Variants in RRN3 observed in about 807,000 individuals in gnomAD.
The protein encoded by RRN3 is RNA polymerase I-specific transcription initiation factor RRN3.
Under a neutral mutation model 82.3 loss-of-function variants are expected in RRN3, and 38 were observed. The ratio of observed to expected loss-of-function variants is 0.46; its 90% CI spans 0.36 to 0.61. RRN3 has a LOEUF of 0.61. Ranked by LOEUF, RRN3 falls within the 20% of genes least tolerant of loss-of-function variation. RRN3 has a pLI of 0.00. For missense variants in RRN3, 726 were observed against 793.1 expected (o/e 0.92, Z 1.02); for synonymous variants, 284 against 284.3 (o/e 1.00, Z 0.01).
chr16:15,080,375 T>G (rs866518714), intron 8 of RRN3, among the ~76,000 whole-genome samples: 1 of 152,338 alleles, frequency 6.6e-6, no homozygotes, highest in African/African-American at 2.4e-5. Flanking sequence ...CAACTTAAAG[T>G]ATACAATTTA....
At position 15,068,101 on chromosome 16, in the gene RRN3, A is replaced by G; in HGVS notation, c.1553+68T>C. 3.3e-6 allele frequency: 5 copies of G among 1,502,124 alleles called. No homozygotes were observed. In the South Asian group the frequency reaches 6.1e-5, roughly 18 times the overall value. 93.0% of individuals were successfully genotyped at this position (1,502,124 alleles called of 1,614,324 possible). A position where few individuals can be genotyped will look rare whatever the true frequency, so the allele number is the denominator to read the frequency against. On this transcript the variant is annotated intron_variant, in intron 15 of 17. Coordinates refer to ENST00000198767, the MANE Select transcript of RRN3 (RefSeq NM_018427.5). ...AATTTCATAGAAATTTAACACTCTT[A>G]CAATACTAGATAAACATAAATAAAA...
intron 12 of RRN3, among the ~76,000 whole-genome samples, chr16:15,072,141 A>G (rs967557319): frequency 1.3e-5 from 2 of 152,142 alleles, no homozygotes; most frequent in Non-Finnish European, 2.9e-5. Flanking sequence ...CCATGTGGGC[A>G]GACTGAATTC....
chr16:15,089,850 T>C (rs150378517), intron 3 of RRN3, among the ~76,000 whole-genome samples: 3 of 142,732 alleles, frequency 2.1e-5, no homozygotes, highest in African/African-American at 7.9e-5. Flanking sequence ...TCAGAAACGC[T>C]GAAGTTTTAA....
rs750764061 is a variant in RRN3, at chr16:15,092,556, C to T, written c.148G>A (p.Val50Ile). 2 of 1,613,690 alleles carry T rather than the reference C, an allele frequency of 1.2e-6. No individual in the cohort carries two copies. The highest frequency in any genetic ancestry group is 2.2e-5 in the East Asian group (1 of 44,872). Residue 50 changes from valine to isoleucine, a missense_variant, in exon 2 of 18, where the codon GTT becomes ATT. Val to Ile is a conservative substitution (Grantham distance 29). Transcript: ENST00000198767. Reference protein sequence around the residue: ...DFFNSPPRKTVRFGGTVTEVL... With the variant: ...DFFNSPPRKTIRFGGTVTEVL... ...TCTGTCACAGTTCCACCAAACCGAA[C>T]AGTTTTTCTTGGGGGAGAATTGAAA...
chr16:15,062,055 T>C (rs1357859980), intron 17 of RRN3, 150 bp from the exon 18 acceptor site: 9 of 746,854 alleles, frequency 1.2e-5, no homozygotes, highest in Non-Finnish European at 1.5e-5. Context: ...GGCACACGCC[T>C]GTAGTCCCAG....
intron 2 of RRN3, among the ~76,000 whole-genome samples, chr16:15,091,650 G>C (rs569492157): frequency 6.6e-5 from 10 of 152,192 alleles, no homozygotes; most frequent in Non-Finnish European, 1.5e-4. Context: ...TTCTCAAAAA[G>C]CATGAGGGAA....
chr16:15,065,107 G>A (rs1319598590), intron 16 of RRN3, 112 bp downstream of exon 16: 45 of 1,086,104 alleles, frequency 4.1e-5, no homozygotes, highest in Middle Eastern at 2.2e-4. Flanking sequence ...CGGAGCTTGC[G>A]GTAAGCCGAG....
chr16:15,092,227 T>C (rs1226194650), intron 2 of RRN3, among the ~76,000 whole-genome samples: 1 of 152,168 alleles, frequency 6.6e-6, no homozygotes, highest in Non-Finnish European at 1.5e-5. Context: ...TTCTGGCACT[T>C]GCTAAAGTTA....
chr16:15,076,385 T>C, intron 10 of RRN3, 173 bp downstream of exon 10: 1 of 628,622 alleles, frequency 1.6e-6, no homozygotes, highest in Non-Finnish European at 2.9e-6. Context: ...ATAGACCAAC[T>C]ATGCTAAGTG....
intron 7 of RRN3, 56 bp downstream of exon 7, chr16:15,084,586 A>G (rs1597978218): frequency 1.6e-6 from 2 of 1,242,864 alleles, no homozygotes; most frequent in Non-Finnish European, 2.3e-6. Flanking sequence ...ATTTTTACTA[A>G]TTGATTACAA....
At chr16:15,081,659 G>A (rs965749997) in intron 8 of RRN3, among the ~76,000 whole-genome samples, 13 of 151,714 alleles carry the variant, frequency 8.6e-5, no homozygotes, top group African/African-American at 3.2e-4. Flanking sequence ...GTCCTATGAA[G>A]CATAACAACG....
chr16:15,091,262 G>A (rs2046120360), intron 3 of RRN3, 53 bp downstream of exon 3: 1 of 1,602,438 alleles, frequency 6.2e-7, no homozygotes, highest in East Asian at 2.2e-5. Context: ...AGCAAACTAT[G>A]TCTGTATACA....
chr16:15,089,971 G>A (rs535195049), intron 3 of RRN3, among the ~76,000 whole-genome samples: 1 of 151,890 alleles, frequency 6.6e-6, no homozygotes, highest in South Asian at 2.1e-4. Context: ...CACTTTGGGA[G>A]GCCAAGGCGG....
rs774512208 is a variant in RRN3, at chr16:15,086,375, C to T, written c.332G>A (p.Ser111Asn). The stretch of plus-strand genomic sequence containing the variant: ...AAATGGTGAACTTACTAATATAATA[C>T]TGATAAGTTGCTCAAAGTCTTTTGT... The part of the protein sequence containing the change: ...YLTKDFEQLI[S>N]IILRLPWLNR... Residue 111 changes from serine to asparagine, a missense_variant, in exon 4 of 18, where the codon AGT becomes AAT. Coordinates refer to ENST00000198767, the MANE Select transcript of RRN3 (RefSeq NM_018427.5). The T allele has an allele frequency of 3.7e-6, 6 of 1,613,708 alleles. No homozygotes were observed. In the Admixed American group the frequency reaches 6.7e-5, roughly 18 times the overall value.
chr16:15,075,689 C>T (rs1381239250), intron 10 of RRN3, among the ~76,000 whole-genome samples: 1 of 152,192 alleles, frequency 6.6e-6, no homozygotes, highest in Non-Finnish European at 1.5e-5. Flanking sequence ...CCAAGACTCA[C>T]AGCACCAGCT....
intron 11 of RRN3, 45 bp downstream of exon 11, chr16:15,074,678 A>G: frequency 6.7e-7 from 1 of 1,500,638 alleles, no homozygotes; most frequent in Non-Finnish European, 9.1e-7. Context: ...GCACAAAGCC[A>G]GGTACACTGC....
intron 9 of RRN3, 60 bp downstream of exon 9, chr16:15,079,938 T>C: frequency 2.0e-6 from 3 of 1,481,912 alleles, no homozygotes; most frequent in East Asian, 2.4e-5. Context: ...TTCCACATAC[T>C]GTGATTATAA....
intron 7 of RRN3, among the ~76,000 whole-genome samples, 200 bp downstream of exon 7, chr16:15,084,442 A>G (rs1272436799): frequency 6.6e-6 from 1 of 151,038 alleles, no homozygotes; most frequent in Non-Finnish European, 1.5e-5. Flanking sequence ...CTGCATACAA[A>G]CTTTGAAAAA....
At chr16:15,086,528 C>T in intron 3 of RRN3, 74 bp from the exon 4 acceptor site, 3 of 1,585,960 alleles carry the variant, frequency 1.9e-6, no homozygotes, top group Non-Finnish European at 2.6e-6. Flanking sequence ...TATCTTATAT[C>T]AATCATTTAT....
Sources: gnomAD v4.1 joint callset for allele counts (sites outside exome capture counted in the v4.1 genomes callset) on GRCh38, gnomAD v4.1.1 for gene constraint, MANE v1.5 for transcripts, NCBI Gene and HGNC (gene_info 2026-07-23, HGNC 2026-07-21) for gene names.